KANK1: variants seen among roughly 807,000 people sequenced by gnomAD.
KANK1 encodes the protein KN motif and ankyrin repeat domains 1.
A neutral mutation model predicts 106.2 loss-of-function variants in KANK1; 109 were observed. That is an observed-to-expected ratio of 1.03 (90% CI 0.88 to 1.20). KANK1 has a LOEUF of 1.20. KANK1 is among the 50% of genes most tolerant of loss of function. KANK1 has a pLI of 0.00. For missense variants in KANK1, 2,399 were observed against 1,710.7 expected, an observed-to-expected ratio of 1.40 and a Z score of -7.10; for synonymous variants, 873 against 652.2, an observed-to-expected ratio of 1.34 and a Z score of -5.16.
At chr9:675,795 C>A (rs897825900) in intron 1 of KANK1, among the ~76,000 whole-genome samples, 26 of 152,138 alleles carry the variant, frequency 1.7e-4, no homozygotes, top group Non-Finnish European at 2.6e-4. Flanking sequence ...AGAATGGCTA[C>A]TCCATAGGCA....
chr9:648,108 A>G (rs768888660), intron 1 of KANK1, among the ~76,000 whole-genome samples: 9 of 148,882 alleles, frequency 6.0e-5, no homozygotes, highest in Admixed American at 2.7e-4. Context: ...GGTTCAAGCA[A>G]TTCTCCTGCC....
intron 1 of KANK1, among the ~76,000 whole-genome samples, chr9:561,459 T>C (rs905552755): frequency 2.6e-5 from 4 of 152,200 alleles, no homozygotes; most frequent in African/African-American, 9.6e-5. Context: ...AATTTCTTAG[T>C]ATAAACAACA....
intron 1 of KANK1, among the ~76,000 whole-genome samples, chr9:581,137 G>A (rs1278039190): frequency 1.3e-5 from 2 of 152,062 alleles, no homozygotes; most frequent in Non-Finnish European, 2.9e-5. Flanking sequence ...TGCAGCCCCA[G>A]TTCCCACCCA....
intron 1 of KANK1, among the ~76,000 whole-genome samples, chr9:585,309 GC>G (rs1292851545): frequency 1.3e-5 from 2 of 152,198 alleles, no homozygotes; most frequent in Non-Finnish European, 2.9e-5. Flanking sequence ...AATGGTACTT[GC>G]AATTAGAACA....
upstream of KANK1, among the ~76,000 whole-genome samples, chr9:500,771 T>G (rs1033569212): frequency 5.3e-5 from 8 of 152,188 alleles, no homozygotes; most frequent in Non-Finnish European, 1.0e-4. Flanking sequence ...CAAGTGAAGT[T>G]TTTCCATACC....
chr9:696,215 C>G (rs965971243), intron 2 of KANK1, among the ~76,000 whole-genome samples: 1 of 150,078 alleles, frequency 6.7e-6, no homozygotes. Context: ...ACCCGGGAGG[C>G]GGAGTTTGCA....
intron 2 of KANK1, among the ~76,000 whole-genome samples, chr9:694,989 G>A (rs183018234): frequency 6.6e-6 from 1 of 152,288 alleles, no homozygotes; most frequent in East Asian, 1.9e-4. Flanking sequence ...TCATAGCCTG[G>A]AAGCAACTTT....
At chr9:629,069 A>C (rs555882681) in intron 1 of KANK1, among the ~76,000 whole-genome samples, 3 of 105,282 alleles carry the variant, frequency 2.8e-5, no homozygotes, top group South Asian at 3.7e-4. Context: ...ACAGGGCACA[A>C]CTGTTTCCAA....
chr9:495,612 A>T (rs1238646140), intron 3 of KANK1: 1 of 152,096 alleles, frequency 6.6e-6, no homozygotes, highest in African/African-American at 2.4e-5. Flanking sequence ...CTAAAACTTC[A>T]TCAGGTCATG....
intron 1 of KANK1, among the ~76,000 whole-genome samples, chr9:652,291 C>T (rs559388373): frequency 2.0e-4 from 30 of 152,128 alleles, no homozygotes; most frequent in African/African-American, 6.0e-4. Context: ...GAGGCTAAGG[C>T]GGGTGGATCA....
At chr9:513,802 G>T (rs2059136726) in intron 1 of KANK1, among the ~76,000 whole-genome samples, 1 of 152,252 alleles carries the variant, frequency 6.6e-6, no homozygotes, top group East Asian at 1.9e-4. Context: ...GATCACTTGA[G>T]GTCAGGAGTT....
chr9:601,483 G>A (rs1827729475), intron 1 of KANK1, among the ~76,000 whole-genome samples: 1 of 151,766 alleles, frequency 6.6e-6, no homozygotes, highest in African/African-American at 2.4e-5. Context: ...GCTGTCTGAT[G>A]TTTCCTAGTG....
intron 1 of KANK1, among the ~76,000 whole-genome samples, chr9:612,013 C>T (rs949039797): frequency 3.3e-5 from 5 of 152,160 alleles, no homozygotes; most frequent in East Asian, 1.9e-4. Context: ...CCACCGCGCC[C>T]GGCCGACCAT....
chr9:535,667 G>A (rs192455637), intron 1 of KANK1, among the ~76,000 whole-genome samples: 5 of 152,314 alleles, frequency 3.3e-5, no homozygotes, highest in South Asian at 2.1e-4. Flanking sequence ...GCCTTTGCCC[G>A]CCTTGGAGCT....
At chr9:722,690 C>T (rs1829668874) in intron 3 of KANK1, among the ~76,000 whole-genome samples, 1 of 152,178 alleles carries the variant, frequency 6.6e-6, no homozygotes, top group Non-Finnish European at 1.5e-5. Flanking sequence ...GTGACCAATT[C>T]CCTCTGACTT....
chr9:536,628 C>T (rs1490448478), intron 1 of KANK1, among the ~76,000 whole-genome samples: 1 of 152,118 alleles, frequency 6.6e-6, no homozygotes, highest in Non-Finnish European at 1.5e-5. Flanking sequence ...CTGTCTCTGA[C>T]CACAGAAATA....
chr9:696,093 G>T (rs896289743), intron 2 of KANK1, among the ~76,000 whole-genome samples: 10 of 152,148 alleles, frequency 6.6e-5, no homozygotes, highest in Non-Finnish European at 1.2e-4. Flanking sequence ...GACCATCCTG[G>T]CTAACATGGT....
intron 2 of KANK1, among the ~76,000 whole-genome samples, chr9:687,834 A>T (rs1466619975): frequency 1.3e-5 from 2 of 152,148 alleles, no homozygotes; most frequent in African/African-American, 4.8e-5. Context: ...GTTGCTTTTA[A>T]TTAAGAGTTA....
chr9:634,463 G>A (rs900413328), intron 1 of KANK1, among the ~76,000 whole-genome samples: 6 of 152,154 alleles, frequency 3.9e-5, no homozygotes, highest in Non-Finnish European at 7.4e-5. Context: ...GTTATCTATA[G>A]GAGCAATTGG....
Sources: allele counts gnomAD v4.1 joint callset (sites outside exome capture counted in the v4.1 genomes callset), GRCh38; gene constraint gnomAD v4.1.1; transcripts MANE v1.5; gene names NCBI Gene and HGNC (gene_info 2026-07-23, HGNC 2026-07-21).